Variants in NFIA observed in about 807,000 individuals in gnomAD.
NFIA encodes nuclear factor I A.
Under a neutral mutation model 62.8 loss-of-function variants are expected in NFIA, and 8 were observed. The ratio of observed to expected loss-of-function variants is 0.13; its 90% CI spans 0.07 to 0.23. The LOEUF (loss-of-function observed/expected upper bound fraction) is 0.23. Among genes scored for constraint, NFIA ranks in the 10% least tolerant of loss-of-function variants. The probability of loss-of-function intolerance (pLI) is 1.00; values close to 1 mark genes in which losing one functional copy is unlikely to be tolerated. For synonymous variants in NFIA, 235 were observed against 238.1 expected (o/e 0.99, Z 0.12); for missense variants, 410 against 642.1 (o/e 0.64, Z 3.91).
chr1:61,249,666 G>A (rs899647047), intron 2 of NFIA, among the ~76,000 whole-genome samples: 5 of 152,066 alleles, frequency 3.3e-5, no homozygotes, highest in African/African-American at 9.7e-5. Context: ...TTAGCTGGGC[G>A]CGGTGGCAGT....
At chr1:61,387,468 C>CTGTTT (rs1171901984) in intron 7 of NFIA, among the ~76,000 whole-genome samples, 1,312 of 95,454 alleles carry the variant, frequency 0.014, 45 homozygotes, top group African/African-American at 0.051. Flanking sequence ...CAAGCACTTT[C>CTGTTT]TTTTTTTTTT....
intron 2 of NFIA, among the ~76,000 whole-genome samples, chr1:61,150,974 G>T (rs1648358262): frequency 6.6e-6 from 1 of 152,164 alleles, no homozygotes; most frequent in South Asian, 2.1e-4. Flanking sequence ...AGAGGGATTT[G>T]TGTAGTATGC....
In NFIA at chr1:61,251,511, A is replaced by G. The variant is rs3737195; in HGVS notation, c.560-26009A>G. On this transcript the variant is annotated intron_variant, in intron 2 of 10. Transcript: ENST00000403491. ...TCATTATTGTCATATATGTAACACA[A>G]TTATGTCATACATTTATTTTGAAGC... The G allele has an allele frequency of 2.6e-5, 4 of 152,210 alleles. No homozygotes were observed. In the East Asian group the frequency reaches 7.7e-4, roughly 29 times the overall value. The allele number at this position is 152,210 out of a possible 1,614,324, so 9.4% of individuals were successfully genotyped here.
chr1:61,343,321 T>G (rs1662029352), intron 4 of NFIA, among the ~76,000 whole-genome samples: 1 of 152,222 alleles, frequency 6.6e-6, no homozygotes, highest in East Asian at 1.9e-4. Context: ...TGGGAAAATG[T>G]ATCGGTTAAT....
At chr1:61,077,730 C>G (rs77192579), upstream of NFIA, 3 of 894,434 alleles carry the variant, frequency 3.4e-6, no homozygotes, top group South Asian at 3.3e-5. Flanking sequence ...TAAAATTTCT[C>G]TAGCTCGCAT....
chr1:61,121,486 C>T (rs113685011), intron 2 of NFIA, among the ~76,000 whole-genome samples: 6 of 152,062 alleles, frequency 3.9e-5, no homozygotes, highest in African/African-American at 1.2e-4. Context: ...GCATTTTTGC[C>T]CTGGAATTAA....
At position 61,361,967 on chromosome 1, in the gene NFIA, C is replaced by G. The variant is rs540049426; in HGVS notation, c.946+2693C>G. ...GGAGTGATAGAGGACAGTGGATAAA[C>G]GTACATTTGGCCATACTCAGCAAGC... On this transcript the variant is annotated intron_variant, in intron 6 of 10. Coordinates refer to ENST00000403491, the MANE Select transcript of NFIA (RefSeq NM_001134673.4). 6.6e-5 allele frequency among the ~76,000 whole-genome samples: 10 copies of G among 152,184 alleles called. No homozygotes were observed. In the South Asian group the frequency reaches 1.9e-3, roughly 28 times the overall value.
chr1:61,455,915 A>G lies in NFIA; in HGVS notation c.*595A>G, dbSNP rs1447451409. The G allele has an allele frequency of 6.5e-6, 1 of 153,010 alleles. No individual in the cohort carries two copies. The highest frequency in any genetic ancestry group is 2.4e-5 in the African/African-American group (1 of 41,482). The allele number at this position is 153,010 out of a possible 1,614,324, so 9.5% of individuals were successfully genotyped here. On this transcript the variant is annotated 3_prime_UTR_variant, in exon 11 of 11. Transcript: ENST00000403491. ...AGTTTGTTTTGGTTCAGCAGTCAGC[A>G]GTTAAGTATATAACATGGCCCGCAA... is the stretch of plus-strand genomic sequence containing the variant.
intron 2 of NFIA, among the ~76,000 whole-genome samples, chr1:61,148,720 G>A (rs1362281942): frequency 1.3e-5 from 2 of 152,216 alleles, no homozygotes; most frequent in Non-Finnish European, 2.9e-5. Context: ...CAGAAGTTAA[G>A]TTAGCAGCAG....
chr1:61,317,693 G>T (rs1427078123), intron 3 of NFIA, among the ~76,000 whole-genome samples: 2 of 151,714 alleles, frequency 1.3e-5, no homozygotes, highest in East Asian at 3.9e-4. Flanking sequence ...ACTTTTATAA[G>T]AATACTTGCA....
rs1416936408 is a variant in NFIA at position 61,088,214 on chromosome 1, C to T, written c.93C>T (p.Phe31=). 1 of 1,613,578 alleles carries T rather than the reference C, an allele frequency of 6.2e-7. No homozygotes were observed. Among genetic ancestry groups the T allele is most frequent in the African/African-American group, 1.3e-5 (1 of 74,742 alleles). ...TCCGAGCCTTTGCCTACACATGGTT[C>T]AACCTGCAGGCCCGAAAACGAAAAT... ...PHVRAFAYTW[F]NLQARKRKYF... Residue 31 remains phenylalanine (F), a synonymous_variant, in exon 2 of 11, where the codon TTC becomes TTT. Coordinates refer to ENST00000403491, the MANE Select transcript of NFIA (RefSeq NM_001134673.4). This position sits in a 1 kb window ranked among gnomAD's most constrained non-coding sequence, Gnocchi z 4.5.
intron 2 of NFIA, among the ~76,000 whole-genome samples, chr1:61,210,727 G>T (rs149596804): frequency 6.6e-6 from 1 of 152,306 alleles, no homozygotes; most frequent in African/African-American, 2.4e-5. Flanking sequence ...AGAGAGGGAT[G>T]ATTTCATTGT....
At chr1:61,298,432 C>A (rs1416471268) in intron 3 of NFIA, among the ~76,000 whole-genome samples, 1 of 151,966 alleles carries the variant, frequency 6.6e-6, no homozygotes, top group Non-Finnish European at 1.5e-5. Context: ...AACGTACTAC[C>A]CTTTTAGATA....
rs1251997821 is a variant in NFIA, at chr1:61,433,434, AT to A, written c.1512+6883del. 3.7e-4 allele frequency among the ~76,000 whole-genome samples: 56 copies of A among 150,992 alleles called. 1 individual carries two copies. Among genetic ancestry groups the A allele is most frequent in the East Asian group, 9.8e-4 (5 of 5,126 alleles). ...CACTTAGAAGCATTCTGTGTGTTTT[AT>A]TTTTGTTGTTGTTGGTTTCTTTTTT... On this transcript the variant is annotated intron_variant, in intron 10 of 10. Transcript: ENST00000403491.
rs75285336 is a variant in NFIA at position 61,413,848 on chromosome 1, G to T, written c.1420+7121G>T. On this transcript the variant is annotated intron_variant, in intron 9 of 10. Transcript: ENST00000403491. ...TCGCCATATTGGCCAGGCTGGTCTC[G>T]AACTCCTGACCTTGTGATCCACCCG... is the stretch of plus-strand genomic sequence containing the variant. Among the ~76,000 whole-genome samples, 53 of 151,490 alleles carry T rather than the reference G, an allele frequency of 3.5e-4. No homozygotes were observed. In the East Asian group the frequency reaches 9.5e-3, roughly 27 times the overall value.
At chr1:61,389,377 G>A (rs1664855837) in intron 7 of NFIA, among the ~76,000 whole-genome samples, 1 of 152,210 alleles carries the variant, frequency 6.6e-6, no homozygotes, top group Non-Finnish European at 1.5e-5. Context: ...ATGATCACCT[G>A]TAGCTGCAAG....
intron 3 of NFIA, among the ~76,000 whole-genome samples, chr1:61,317,247 T>C (rs909283300): frequency 6.6e-6 from 1 of 152,108 alleles, no homozygotes; most frequent in Non-Finnish European, 1.5e-5. Context: ...TATGAAAAAG[T>C]AGATAAAACT....
At chr1:61,349,370 T>C (rs1258121207) in intron 4 of NFIA, among the ~76,000 whole-genome samples, 1 of 152,178 alleles carries the variant, frequency 6.6e-6, no homozygotes, top group Non-Finnish European at 1.5e-5. Context: ...TTAAGGTTTA[T>C]TCATTGGTAT....
chr1:61,243,176 CTG>C (rs1655447070), intron 2 of NFIA, among the ~76,000 whole-genome samples: 1 of 152,072 alleles, frequency 6.6e-6, no homozygotes, highest in African/African-American at 2.4e-5. Context: ...AATCTGAACT[CTG>C]TATCCTTCAG....
Sources: gnomAD v4.1 joint callset for allele counts (sites outside exome capture counted in the v4.1 genomes callset) on GRCh38, gnomAD v4.1.1 for gene constraint, Gnocchi (gnomAD v3.1) non-coding constraint, MANE v1.5 for transcripts, NCBI Gene and HGNC (gene_info 2026-07-23, HGNC 2026-07-21) for gene names.